The following PACRG variants were observed in gnomAD, a reference collection of about 807,000 sequenced individuals.
The protein encoded by PACRG is parkin coregulated, also known as parkin coregulated gene protein.
A neutral mutation model predicts 29.7 loss-of-function variants in PACRG; 29 were observed. The observed-to-expected ratio is 0.98, with a 90% CI of 0.73 to 1.33. The LOEUF (loss-of-function observed/expected upper bound fraction) is 1.33. Among genes scored for constraint, PACRG ranks in the 40% most tolerant of loss-of-function variants. The probability of loss-of-function intolerance (pLI) is 0.00; values close to 1 mark genes in which losing one functional copy is unlikely to be tolerated. For synonymous variants in PACRG, 116 were observed against 118.7 expected (o/e 0.98, Z 0.15); for missense variants, 279 against 316.2 (o/e 0.88, Z 0.89).
intron 2 of PACRG, among the ~76,000 whole-genome samples, chr6:162,860,215 C>A (rs1791749699): frequency 6.6e-6 from 1 of 152,092 alleles, no homozygotes; most frequent in African/African-American, 2.4e-5. Context: ...AGAAAACATT[C>A]TTGTAACAGG....
chr6:163,099,370 C>T (rs1309406540), intron 4 of PACRG, among the ~76,000 whole-genome samples: 1 of 152,178 alleles, frequency 6.6e-6, no homozygotes, highest in Non-Finnish European at 1.5e-5. Context: ...TTTAAACGCT[C>T]AAAATGGGCC....
intron 2 of PACRG, among the ~76,000 whole-genome samples, chr6:162,849,791 T>A (rs1012178948): frequency 1.3e-5 from 2 of 152,378 alleles, no homozygotes; most frequent in Non-Finnish European, 2.9e-5. Context: ...ATTTAAAATA[T>A]CTCAAAGAGA....
chr6:162,881,054 A>G (rs1395279340), intron 2 of PACRG, among the ~76,000 whole-genome samples: 1 of 152,204 alleles, frequency 6.6e-6, no homozygotes, highest in Non-Finnish European at 1.5e-5. Context: ...GGTAGTTGCT[A>G]ACAGTGATGC....
At chr6:162,727,957 C>T (rs968217811), upstream of PACRG, 4 of 597,330 alleles carry the variant, frequency 6.7e-6, no homozygotes, top group East Asian at 2.8e-5. Context: ...GCTATGCGCC[C>T]GCCGTGTTGA....
At chr6:162,819,859 T>G (rs544043338) in intron 2 of PACRG, among the ~76,000 whole-genome samples, 120 of 152,324 alleles carry the variant, frequency 7.9e-4, no homozygotes, top group African/African-American at 2.8e-3. Context: ...TGTATTTTGA[T>G]ATGTTGGTGG....
At chr6:162,894,100 C>T (rs1335339761) in intron 2 of PACRG, among the ~76,000 whole-genome samples, 1 of 152,182 alleles carries the variant, frequency 6.6e-6, no homozygotes, top group African/African-American at 2.4e-5. Context: ...CAAATGCTGA[C>T]TGGGAGTAGT....
chr6:162,916,164 A>C (rs576367932), intron 2 of PACRG, among the ~76,000 whole-genome samples: 1 of 152,288 alleles, frequency 6.6e-6, no homozygotes, highest in South Asian at 2.1e-4. Flanking sequence ...TGAACATAGA[A>C]TTCTAAGTTG....
chr6:163,136,134 G>A (rs1816927793), intron 4 of PACRG, among the ~76,000 whole-genome samples: 1 of 152,108 alleles, frequency 6.6e-6, no homozygotes, highest in African/African-American at 2.4e-5. Flanking sequence ...CTCTCTTTGT[G>A]ATTTCGGATT....
At chr6:162,992,726 G>A (rs1332675736) in intron 2 of PACRG, among the ~76,000 whole-genome samples, 1 of 112,664 alleles carries the variant, frequency 8.9e-6, no homozygotes, top group Non-Finnish European at 1.8e-5. Flanking sequence ...AGGGTTTTTT[G>A]TGTCTCTATT....
intron 2 of PACRG, among the ~76,000 whole-genome samples, chr6:162,832,382 A>AT (rs1788858129): frequency 6.6e-6 from 1 of 152,044 alleles, no homozygotes; most frequent in Admixed American, 6.6e-5. Context: ...AAGAAAAGAC[A>AT]TTTTTTAATC....
chr6:162,727,511 GC>G, upstream of PACRG: 1 of 844,966 alleles, frequency 1.2e-6, no homozygotes, highest in Non-Finnish European at 1.8e-6. Context: ...GAGCTGGGGA[GC>G]CCGGCGGCGC....
At chr6:163,148,120 A>G (rs1777877682) in intron 4 of PACRG, among the ~76,000 whole-genome samples, 2 of 152,102 alleles carry the variant, frequency 1.3e-5, no homozygotes, top group South Asian at 4.2e-4. Flanking sequence ...TAAGTCACAG[A>G]TGCTTATAGT....
At chr6:163,044,678 C>G (rs775872851) in intron 2 of PACRG, 3 of 152,190 alleles carry the variant, frequency 2.0e-5, no homozygotes, top group African/African-American at 4.8e-5. Flanking sequence ...CACAAATACT[C>G]TAGTCCCGCG....
chr6:163,093,839 G>T (rs1370721480), intron 4 of PACRG, among the ~76,000 whole-genome samples: 1 of 152,178 alleles, frequency 6.6e-6, no homozygotes. Context: ...TCATTAAAGA[G>T]ACTTAAAATT....
rs190871917 is a variant in PACRG, at chr6:162,904,586, T to C, written c.291+90305T>C. 7.3e-3 allele frequency among the ~76,000 whole-genome samples: 1,110 copies of C among 152,302 alleles called. 5 individuals carry two copies. Among genetic ancestry groups the C allele is most frequent in the Non-Finnish European group, 0.012 (843 of 68,028 alleles). The stretch of plus-strand genomic sequence containing the variant: ...AAGACTCTTGATGAATGAAGAAGAC[T>C]TTTAGAAACCTATTAATACTTAAGG... On this transcript the variant is annotated intron_variant, in intron 2 of 4. Transcript: ENST00000366888.
chr6:163,177,268 T>G (rs1228677684), intron 4 of PACRG, among the ~76,000 whole-genome samples: 1 of 152,074 alleles, frequency 6.6e-6, no homozygotes, highest in Admixed American at 6.5e-5. Flanking sequence ...AATGTTAAAC[T>G]GAGTACAATT....
At chr6:163,001,438 G>A (rs1012122007) in intron 2 of PACRG, among the ~76,000 whole-genome samples, 2 of 152,126 alleles carry the variant, frequency 1.3e-5, no homozygotes, top group African/African-American at 4.8e-5. Flanking sequence ...TGAGCCAAGA[G>A]TTTTTTATAA....
chr6:163,310,224 C>T (rs150029998), intron 4 of PACRG: 14 of 152,278 alleles, frequency 9.2e-5, no homozygotes, highest in African/African-American at 3.4e-4. Flanking sequence ...TCTAGGATCT[C>T]CGAGTGTCTT....
intron 4 of PACRG, among the ~76,000 whole-genome samples, chr6:163,268,458 A>G (rs933600228): frequency 6.6e-6 from 1 of 152,108 alleles, no homozygotes; most frequent in Non-Finnish European, 1.5e-5. Context: ...CAAACAACTT[A>G]CAGTTTAAAA....
Sources: allele counts gnomAD v4.1 joint callset (sites outside exome capture counted in the v4.1 genomes callset), GRCh38; gene constraint gnomAD v4.1.1; transcripts MANE v1.5; gene names NCBI Gene and HGNC (gene_info 2026-07-23, HGNC 2026-07-21).